Variants in FHIT observed in about 807,000 individuals in gnomAD.
The protein encoded by FHIT is fragile histidine triad diadenosine triphosphatase.
In FHIT, 19 loss-of-function variants were observed where a neutral mutation model predicts 17.9. The observed-to-expected ratio is 1.06, with a 90% CI of 0.74 to 1.56. The LOEUF (loss-of-function observed/expected upper bound fraction) is 1.56, where lower values mean the gene tolerates loss of function less well. Among genes scored for constraint, FHIT ranks in the 40% most tolerant of loss-of-function variants. The probability of loss-of-function intolerance (pLI) is 0.00; values close to 1 mark genes in which losing one functional copy is unlikely to be tolerated. For synonymous variants in FHIT, 81 were observed against 69.7 expected, an observed-to-expected ratio of 1.16 and a Z score of -0.81; for missense variants, 248 against 189.2, an observed-to-expected ratio of 1.31 and a Z score of -1.82.
At chr3:60,339,624 C>G (rs1362129796) in intron 5 of FHIT, among the ~76,000 whole-genome samples, 1 of 152,176 alleles carries the variant, frequency 6.6e-6, no homozygotes, top group African/African-American at 2.4e-5. Context: ...AAAGAAGAAT[C>G]CCATCTGCCA....
intron 5 of FHIT, among the ~76,000 whole-genome samples, chr3:60,342,718 C>G (rs1710587151): frequency 6.6e-6 from 1 of 152,112 alleles, no homozygotes; most frequent in South Asian, 2.1e-4. Flanking sequence ...AGATGTTTAA[C>G]TAAGACTCAA....
At chr3:61,127,029 GA>G (rs1320699647) in intron 2 of FHIT, among the ~76,000 whole-genome samples, 1 of 152,192 alleles carries the variant, frequency 6.6e-6, no homozygotes, top group African/African-American at 2.4e-5. Context: ...GGTGGCAGAT[GA>G]TGCAGGGCCT....
chr3:61,245,204 T>C (rs2040460840), intron 1 of FHIT, among the ~76,000 whole-genome samples: 1 of 152,206 alleles, frequency 6.6e-6, no homozygotes, highest in Non-Finnish European at 1.5e-5. Flanking sequence ...CTACCATTTA[T>C]GGAGTACCAG....
At chr3:61,239,436 A>C (rs1009776591) in intron 1 of FHIT, among the ~76,000 whole-genome samples, 2 of 152,012 alleles carry the variant, frequency 1.3e-5, no homozygotes, top group African/African-American at 4.8e-5. Flanking sequence ...CATTCTATTA[A>C]TACCAGCTCT....
intron 1 of FHIT, among the ~76,000 whole-genome samples, chr3:61,231,122 C>T (rs2040088966): frequency 1.3e-5 from 2 of 152,090 alleles, no homozygotes; most frequent in South Asian, 2.1e-4. Context: ...TTGGGTAACG[C>T]ATAGGCATGA....
chr3:60,739,901 A>G lies in FHIT; in HGVS notation c.-18+82018T>C, dbSNP rs781801525. On this transcript the variant is annotated intron_variant, in intron 4 of 9. Transcript: ENST00000492590. ...CACCTATTATCTGCCATGTAGAAAG[A>G]TACTGTTCCTGCTCCTGAGAAGCTC... Among the ~76,000 whole-genome samples the G allele has an allele frequency of 3.3e-5, 5 of 152,362 alleles. No homozygotes were observed. The South Asian group carries it at 8.3e-4, about 25-fold the overall frequency.
intron 3 of FHIT, among the ~76,000 whole-genome samples, chr3:60,932,162 T>C (rs549690388): frequency 6.6e-6 from 1 of 152,202 alleles, no homozygotes; most frequent in Non-Finnish European, 1.5e-5. Context: ...TAAAAAACCA[T>C]TGTGCTAAGT....
intron 8 of FHIT, among the ~76,000 whole-genome samples, chr3:59,799,613 C>T (rs1211439246): frequency 1.3e-5 from 2 of 152,084 alleles, no homozygotes; most frequent in Non-Finnish European, 2.9e-5. Context: ...AAATGAACAT[C>T]CTGAAATCAT....
At chr3:60,187,088 T>C (rs1702189452) in intron 5 of FHIT, among the ~76,000 whole-genome samples, 1 of 152,178 alleles carries the variant, frequency 6.6e-6, no homozygotes, top group South Asian at 2.1e-4. Context: ...GCAACCTTTC[T>C]TTCAGAGGGT....
chr3:60,071,948 T>G (rs1019693677), intron 5 of FHIT, among the ~76,000 whole-genome samples: 1 of 152,200 alleles, frequency 6.6e-6, no homozygotes, highest in South Asian at 2.1e-4. Context: ...GCTTCTCTTT[T>G]GCCTTCCACC....
chr3:60,219,271 C>T (rs1366780002), intron 5 of FHIT, among the ~76,000 whole-genome samples: 1 of 152,064 alleles, frequency 6.6e-6, no homozygotes, highest in Non-Finnish European at 1.5e-5. Flanking sequence ...ACTAACGTTC[C>T]TAGGCCACTG....
chr3:60,992,915 C>T (rs2030367220), intron 3 of FHIT, among the ~76,000 whole-genome samples: 1 of 152,162 alleles, frequency 6.6e-6, no homozygotes, highest in Admixed American at 6.5e-5. Context: ...ATTCAGAGGG[C>T]TTCCAGCATA....
intron 5 of FHIT, among the ~76,000 whole-genome samples, chr3:60,313,717 G>A (rs1194735988): frequency 8.3e-6 from 1 of 119,870 alleles, no homozygotes; most frequent in African/African-American, 3.3e-5. Flanking sequence ...CCCGGGGGGA[G>A]CAAAAGCATA....
chr3:60,897,513 G>C (rs1395567037), intron 3 of FHIT, among the ~76,000 whole-genome samples: 1 of 152,152 alleles, frequency 6.6e-6, no homozygotes, highest in Non-Finnish European at 1.5e-5. Flanking sequence ...TACTACATCT[G>C]AAGTTTGAAT....
chr3:60,852,882 C>A (rs938174233), intron 3 of FHIT, among the ~76,000 whole-genome samples: 8 of 151,882 alleles, frequency 5.3e-5, no homozygotes, highest in Non-Finnish European at 1.0e-4. Context: ...TCCATTTTTT[C>A]AGTAAAAATA....
chr3:59,965,033 C>A (rs1310049311), intron 7 of FHIT, among the ~76,000 whole-genome samples: 1 of 152,016 alleles, frequency 6.6e-6, no homozygotes, highest in Non-Finnish European at 1.5e-5. Flanking sequence ...ATTAAACAAA[C>A]AAAAAAACAC....
intron 4 of FHIT, among the ~76,000 whole-genome samples, chr3:60,733,567 C>T (rs1435175005): frequency 1.3e-5 from 2 of 152,188 alleles, no homozygotes; most frequent in African/African-American, 4.8e-5. Context: ...CCATCCTTTC[C>T]ACCAACCGAT....
intron 5 of FHIT, among the ~76,000 whole-genome samples, chr3:60,027,538 TAAA>T (rs1700802630): frequency 6.6e-6 from 1 of 151,864 alleles, no homozygotes; most frequent in African/African-American, 2.4e-5. Flanking sequence ...TAACCACAGC[TAAA>T]ATAAGTGTCA....
intron 2 of FHIT, among the ~76,000 whole-genome samples, chr3:61,090,462 C>T (rs184231692): frequency 3.9e-5 from 6 of 152,262 alleles, no homozygotes; most frequent in East Asian, 1.9e-4. Flanking sequence ...AGAATTTGAA[C>T]GGATTTCTAG....
Sources: gnomAD v4.1 joint callset for allele counts (sites outside exome capture counted in the v4.1 genomes callset) on GRCh38, gnomAD v4.1.1 for gene constraint, MANE v1.5 for transcripts, NCBI Gene and HGNC (gene_info 2026-07-23, HGNC 2026-07-21) for gene names.